Variants in GNPTAB observed in about 807,000 individuals in gnomAD.
GNPTAB encodes N-acetylglucosamine-1-phosphotransferase subunits alpha/beta.
In GNPTAB, 92 loss-of-function variants were observed where a neutral mutation model predicts 136.6. The observed-to-expected ratio is 0.67, with a 90% CI of 0.57 to 0.80. The LOEUF (loss-of-function observed/expected upper bound fraction) is 0.80, where lower values mean the gene tolerates loss of function less well. GNPTAB is among the 30% of genes least tolerant of loss of function. GNPTAB has a pLI of 0.00. For missense variants in GNPTAB, 1,343 were observed against 1,501.8 expected, an observed-to-expected ratio of 0.89 and a Z score of 1.75; for synonymous variants, 512 against 535.1, an observed-to-expected ratio of 0.96 and a Z score of 0.60.
chr12:101,784,618 G>A lies in GNPTAB; in HGVS notation c.571+1394C>T, dbSNP rs568030971. 1.9e-4 allele frequency among the ~76,000 whole-genome samples: 29 copies of A among 151,932 alleles called. No homozygotes were observed. The South Asian group carries it at 5.8e-3, about 30-fold the overall frequency. ...AGCAGGAGTCCGATTATTGGAGTCTGTGTGAGGGAATTCAGTCTGGTGTGG... is the reference window on the plus strand; with the variant it reads ...AGCAGGAGTCCGATTATTGGAGTCTATGTGAGGGAATTCAGTCTGGTGTGG... On this transcript the variant is annotated intron_variant, in intron 5 of 20. Transcript: ENST00000299314.
At chr12:101,808,662 TCTGGCCAGGTGTGGTGGCTCATGC>T (rs1272349383) in intron 1 of GNPTAB, among the ~76,000 whole-genome samples, 1 of 152,124 alleles carries the variant, frequency 6.6e-6, no homozygotes, top group East Asian at 1.9e-4. Context: ...ATTAAAAACT[TCTGGCCAGGTGTGGTGGCTCATGC>T]CTGTAATCCC....
intron 7 of GNPTAB, among the ~76,000 whole-genome samples, chr12:101,771,616 C>T (rs1288415939): frequency 1.3e-5 from 2 of 152,128 alleles, no homozygotes; most frequent in Non-Finnish European, 2.9e-5. Context: ...AGATGCATTT[C>T]CCAAATGAAT....
At chr12:101,755,348 T>C (rs923248643) in intron 18 of GNPTAB, among the ~76,000 whole-genome samples, 3 of 152,186 alleles carry the variant, frequency 2.0e-5, no homozygotes, top group African/African-American at 4.8e-5. Context: ...TGAAAGCTCA[T>C]TCATCTTTCT....
At chr12:101,807,379 T>C (rs563172089) in intron 1 of GNPTAB, among the ~76,000 whole-genome samples, 1 of 152,280 alleles carries the variant, frequency 6.6e-6, no homozygotes, top group Admixed American at 6.5e-5. Context: ...AAGACAAGTG[T>C]GGACTCCTCC....
Position 101,760,036 on chromosome 12 carries a change from G to A in GNPTAB, c.3243C>T (p.Pro1081=). ...IPPTQESYYD[P]NLPPVTKSLV... ...AGTAACCCATTCCACTTACCAGGTT[G>A]GGATCATAGTAGGATTCCTGAGTTG... Residue 1081 remains proline (P), a synonymous_variant, in exon 16 of 21, where the codon CCC becomes CCT. Transcript: ENST00000299314. The A allele has an allele frequency of 1.3e-6, 2 of 1,583,744 alleles. No individual in the cohort carries two copies. Among genetic ancestry groups the A allele is most frequent in the Non-Finnish European group, 1.7e-6 (2 of 1,152,244 alleles).
chr12:101,780,189 GTT>G lies in GNPTAB; in HGVS notation c.732_733del (p.Lys244AsnfsTer10), dbSNP rs398124400. ...AGAGGAAAGATTTTCTGGCAATTTT[GTT>G]TTTAGTTGATTTGTTTCCTTGAATG... On this transcript the variant is annotated frameshift_variant, in exon 7 of 21. Coordinates refer to ENST00000299314, the MANE Select transcript of GNPTAB (RefSeq NM_024312.5). LOFTEE classifies it high-confidence loss of function. The G allele has an allele frequency of 6.2e-7, 1 of 1,613,592 alleles. No homozygotes were observed. Among genetic ancestry groups the G allele is most frequent in the Non-Finnish European group, 8.5e-7 (1 of 1,179,646 alleles).
chr12:101,811,266 A>T (rs974512834), intron 1 of GNPTAB, among the ~76,000 whole-genome samples: 1 of 152,220 alleles, frequency 6.6e-6, no homozygotes, highest in Non-Finnish European at 1.5e-5. Flanking sequence ...TCAGCTATTT[A>T]ATTCTGCCAC....
intron 2 of GNPTAB, among the ~76,000 whole-genome samples, chr12:101,793,045 T>C (rs1002102597): frequency 1.3e-5 from 2 of 152,200 alleles, no homozygotes; most frequent in African/African-American, 4.8e-5. Context: ...TCGCTTTTTT[T>C]CCCCACTAAA....
intron 7 of GNPTAB, among the ~76,000 whole-genome samples, chr12:101,776,878 T>C (rs1389026420): frequency 6.6e-6 from 1 of 152,240 alleles, no homozygotes; most frequent in East Asian, 1.9e-4. Context: ...CCACAGGCCA[T>C]GGCAAAGGCC....
At chr12:101,800,947 A>G (rs1257595868) in intron 1 of GNPTAB, among the ~76,000 whole-genome samples, 2 of 152,110 alleles carry the variant, frequency 1.3e-5, no homozygotes, top group African/African-American at 4.8e-5. Flanking sequence ...AACAGTTAAG[A>G]AAAAACAAGG....
intron 12 of GNPTAB, 179 bp downstream of exon 12, chr12:101,765,912 A>C (rs979642302): frequency 9.6e-6 from 6 of 627,306 alleles, no homozygotes; most frequent in Non-Finnish European, 1.7e-5. Flanking sequence ...CAATAACAGG[A>C]AAAGATCCTC....
chr12:101,811,841 G>A (rs983821792), intron 1 of GNPTAB, among the ~76,000 whole-genome samples: 21 of 151,510 alleles, frequency 1.4e-4, no homozygotes, highest in Non-Finnish European at 3.1e-4. Flanking sequence ...GTTTCACCAT[G>A]TTGGCCAGGC....
At chr12:101,795,529 G>C (rs1182314429) in intron 2 of GNPTAB, among the ~76,000 whole-genome samples, 1 of 152,096 alleles carries the variant, frequency 6.6e-6, no homozygotes, top group Non-Finnish European at 1.5e-5. Flanking sequence ...GAGGCGGGTG[G>C]ATCACCTGAG....
In GNPTAB at chr12:101,746,897, C is replaced by G. The variant is rs779965656; in HGVS notation, c.*267G>C. ...TTAACAGCTGTCTCTTGTCAGTGAG[C>G]CTTTTTATAAAAAGGATGACAGGTC... On this transcript the variant is annotated 3_prime_UTR_variant, in exon 21 of 21. Transcript: ENST00000299314. 4.4e-5 allele frequency: 18 copies of G among 404,686 alleles called. No individual in the cohort carries two copies. The highest frequency in any genetic ancestry group is 1.2e-4 in the South Asian group (4 of 33,522). The allele number at this position is 404,686 out of a possible 1,614,324, so 25.1% of individuals were successfully genotyped here.
At chr12:101,801,922 C>T (rs1235333938) in intron 1 of GNPTAB, among the ~76,000 whole-genome samples, 2 of 151,490 alleles carry the variant, frequency 1.3e-5, no homozygotes, top group South Asian at 2.1e-4. Context: ...GGCATGGTGG[C>T]GCACACCTGG....
chr12:101,752,853 A>G (rs1325697847), intron 19 of GNPTAB, among the ~76,000 whole-genome samples: 1 of 152,208 alleles, frequency 6.6e-6, no homozygotes, highest in African/African-American at 2.4e-5. Flanking sequence ...CCAGTTACAC[A>G]TTTTTTCAAA....
chr12:101,830,243 G>A (rs1871298053), intron 1 of GNPTAB, among the ~76,000 whole-genome samples: 1 of 152,158 alleles, frequency 6.6e-6, no homozygotes, highest in Admixed American at 6.5e-5. Context: ...TTAAAAAACG[G>A]TGGGCGAGGG....
At chr12:101,781,386 C>T (rs372065595) in intron 5 of GNPTAB, among the ~76,000 whole-genome samples, 10 of 152,284 alleles carry the variant, frequency 6.6e-5, no homozygotes, top group East Asian at 3.9e-4. Flanking sequence ...ACTATAGTTA[C>T]AGGGCACAGT....
At chr12:101,771,821 T>C (rs1953180975) in intron 7 of GNPTAB, among the ~76,000 whole-genome samples, 2 of 152,352 alleles carry the variant, frequency 1.3e-5, no homozygotes, top group African/African-American at 2.4e-5. Flanking sequence ...TTTTGACTTC[T>C]TTGCAAGTAC....
Sources: allele counts gnomAD v4.1 joint callset (sites outside exome capture counted in the v4.1 genomes callset), GRCh38; gene constraint gnomAD v4.1.1; transcripts MANE v1.5; gene names NCBI Gene and HGNC (gene_info 2026-07-23, HGNC 2026-07-21).